Variants in TP63 observed in about 807,000 individuals in gnomAD.
TP63 encodes tumor protein 63.
In TP63, 17 loss-of-function variants were observed where a neutral mutation model predicts 82.8. That is an observed-to-expected ratio of 0.21 (90% CI 0.14 to 0.31). TP63 has a LOEUF of 0.31. TP63 is among the 10% of genes least tolerant of loss of function. TP63 has a pLI of 1.00. For synonymous variants in TP63, 330 were observed against 321.7 expected, an observed-to-expected ratio of 1.03 and a Z score of -0.28; for missense variants, 648 against 895.3, an observed-to-expected ratio of 0.72 and a Z score of 3.52.
chr3:189,872,405 A>G (rs1272129784), intron 9 of TP63, among the ~76,000 whole-genome samples: 1 of 70,790 alleles, frequency 1.4e-5, no homozygotes, highest in East Asian at 3.3e-4. Flanking sequence ...TCTCTAACAC[A>G]CACACACACA....
intron 1 of TP63, among the ~76,000 whole-genome samples, chr3:189,643,882 A>G (rs576343071): frequency 1.3e-5 from 2 of 152,272 alleles, no homozygotes; most frequent in African/African-American, 4.8e-5. Flanking sequence ...TTACTCAATA[A>G]TTTCACGTTT....
intron 3 of TP63, among the ~76,000 whole-genome samples, chr3:189,779,463 C>A (rs1183944007): frequency 6.6e-6 from 1 of 152,086 alleles, no homozygotes; most frequent in Non-Finnish European, 1.5e-5. Context: ...CTCAGAAGAC[C>A]AACATGTAGG....
intron 4 of TP63, among the ~76,000 whole-genome samples, chr3:189,859,792 C>A (rs924583400): frequency 2.6e-5 from 4 of 152,022 alleles, no homozygotes; most frequent in Non-Finnish European, 5.9e-5. Context: ...GGTGAGTTGA[C>A]AAATAATGAA....
At position 189,631,508 on chromosome 3, in the gene TP63, T is replaced by G; in HGVS notation, c.-8T>G. ...TCCGTTCGTTGATATCAAAGACAGT[T>G]GAAGGAAATGAATTTTGAAACTTCA... On this transcript the variant is annotated 5_prime_UTR_variant, in exon 1 of 14. Coordinates refer to ENST00000264731, the MANE Select transcript of TP63 (RefSeq NM_003722.5). The G allele has an allele frequency of 6.2e-7, 1 of 1,612,660 alleles. No individual in the cohort carries two copies. Among genetic ancestry groups the G allele is most frequent in the South Asian group, 1.1e-5 (1 of 91,056 alleles).
intron 3 of TP63, among the ~76,000 whole-genome samples, chr3:189,774,828 A>G (rs1179399757): frequency 2.6e-5 from 4 of 152,238 alleles, no homozygotes; most frequent in South Asian, 2.1e-4. Flanking sequence ...ATCTGTTACT[A>G]TGAAGTACTG....
intron 4 of TP63, among the ~76,000 whole-genome samples, chr3:189,810,633 A>G (rs1049428261): frequency 5.3e-5 from 8 of 152,034 alleles, no homozygotes; most frequent in African/African-American, 1.9e-4. Flanking sequence ...TGAGGCAGGC[A>G]GATCACGAGG....
At chr3:189,790,367 G>A (rs1461871608) in intron 3 of TP63, among the ~76,000 whole-genome samples, 2 of 152,010 alleles carry the variant, frequency 1.3e-5, no homozygotes, top group Non-Finnish European at 2.9e-5. Context: ...TCCAGAAGGG[G>A]CTGTGATAAC....
At chr3:189,887,982 G>A (rs150367949) in intron 11 of TP63, among the ~76,000 whole-genome samples, 4,683 of 150,352 alleles carry the variant, frequency 0.031, 92 homozygotes, top group Middle Eastern at 0.13. Context: ...TCAGCCTCCC[G>A]AATAGCTGGG....
chr3:189,769,557 A>G (rs1723185327), intron 3 of TP63, among the ~76,000 whole-genome samples: 3 of 152,188 alleles, frequency 2.0e-5, no homozygotes. Flanking sequence ...CCTTTAAAAT[A>G]ATTAGAATTA....
At chr3:189,889,050 GT>G (rs1434112864) in intron 11 of TP63, among the ~76,000 whole-genome samples, 6 of 152,160 alleles carry the variant, frequency 3.9e-5, no homozygotes, top group African/African-American at 1.4e-4. Flanking sequence ...GGAAGAATAT[GT>G]TAACATTAAG....
rs536766493 is a variant in TP63 at position 189,886,186 on chromosome 3, G to A, written c.1350-208G>A. Among the ~76,000 whole-genome samples, 18 of 152,310 alleles carry A rather than the reference G, an allele frequency of 1.2e-4. No individual in the cohort carries two copies. The South Asian group carries it at 3.5e-3, about 30-fold the overall frequency. ...CACTCTGCACATTCAGGAAAAATATGATTTGATGATAGCCTCGCAGTCAGT... is the reference window on the plus strand; with the variant it reads ...CACTCTGCACATTCAGGAAAAATATAATTTGATGATAGCCTCGCAGTCAGT... On this transcript the variant is annotated intron_variant, in intron 10 of 13. Transcript: ENST00000264731.
rs1299137177 is a variant in TP63 at position 189,889,399 on chromosome 3, C to A, written c.1567C>A (p.Gln523Lys). The change falls in exon 12 of 14, where the codon CAG becomes AAG. Residue 523 changes from glutamine to lysine, a missense_variant. Around this residue, in one of 5 missense-constraint regions of TP63, gnomAD observed 342 missense variants for 425.7 expected, o/e 0.80. Transcript: ENST00000264731. ...AGACATGAATGGACTCAGCCCCACC[C>A]AGGCACTCCCTCCCCCACTCTCCAT... is the stretch of plus-strand genomic sequence containing the variant. ...AGDMNGLSPTQALPPPLSMPS... is the reference protein window; with the variant it reads ...AGDMNGLSPTKALPPPLSMPS... 6.2e-7 allele frequency: 1 copy of A among 1,614,182 alleles called. No homozygotes were observed. Among genetic ancestry groups the A allele is most frequent in the Admixed American group, 1.7e-5 (1 of 60,038 alleles).
intron 10 of TP63, among the ~76,000 whole-genome samples, chr3:189,882,874 G>T (rs935704061): frequency 2.0e-5 from 3 of 152,150 alleles, no homozygotes; most frequent in Admixed American, 2.0e-4. Flanking sequence ...CTGGGACTTG[G>T]CTCCACCAGG....
chr3:189,721,412 C>G (rs909665556), intron 1 of TP63, among the ~76,000 whole-genome samples: 4 of 151,708 alleles, frequency 2.6e-5, no homozygotes, highest in African/African-American at 9.7e-5. Context: ...GAAAGGGATT[C>G]CCCCGTAGTT....
chr3:189,639,481 A>G (rs565107796), intron 1 of TP63, among the ~76,000 whole-genome samples: 2 of 152,278 alleles, frequency 1.3e-5, no homozygotes, highest in Non-Finnish European at 2.9e-5. Context: ...GAATTAGATT[A>G]TTTGAAGTTC....
upstream of TP63, among the ~76,000 whole-genome samples, chr3:189,629,102 G>A (rs111397917): frequency 8.5e-4 from 129 of 152,234 alleles, no homozygotes; most frequent in Middle Eastern, 3.4e-3. Context: ...AAATAGATGA[G>A]TGTGGTGGCT....
intron 3 of TP63, among the ~76,000 whole-genome samples, chr3:189,773,985 C>G (rs575458182): frequency 7.0e-6 from 1 of 141,874 alleles, no homozygotes; most frequent in Non-Finnish European, 1.5e-5. Context: ...TGCAGTGGCA[C>G]GATCTTGGCT....
At chr3:189,690,473 T>G (rs541514132) in intron 1 of TP63, among the ~76,000 whole-genome samples, 1 of 152,340 alleles carries the variant, frequency 6.6e-6, no homozygotes, top group East Asian at 1.9e-4. Context: ...AGCTCTAAAA[T>G]TCTGTGGTCT....
intron 4 of TP63, among the ~76,000 whole-genome samples, chr3:189,841,898 G>C (rs1202069611): frequency 1.3e-5 from 2 of 152,186 alleles, no homozygotes; most frequent in Non-Finnish European, 2.9e-5. Flanking sequence ...GCTTTGTCTT[G>C]GACCAGGGGG....
Sources: gnomAD v4.1 joint callset for allele counts (sites outside exome capture counted in the v4.1 genomes callset) on GRCh38, gnomAD v4.1.1 for gene constraint, gnomAD v4.1.1 regional missense constraint, MANE v1.5 for transcripts, NCBI Gene and HGNC (gene_info 2026-07-23, HGNC 2026-07-21) for gene names.